Variants in USP45 observed in about 807,000 individuals in gnomAD.
USP45 encodes ubiquitin carboxyl-terminal hydrolase 45.
In USP45, 89 loss-of-function variants were observed where a neutral mutation model predicts 95.8. The observed-to-expected ratio is 0.93, with a 90% CI of 0.78 to 1.11. USP45 has a LOEUF of 1.11. Ranked by LOEUF, USP45 falls within the 50% of genes least tolerant of loss-of-function variation. USP45 has a pLI of 0.00. For missense variants in USP45, 898 were observed against 942.5 expected (o/e 0.95, Z 0.62); for synonymous variants, 281 against 316.2 (o/e 0.89, Z 1.18).
chr6:99,466,199 T>C lies in USP45; in HGVS notation c.1107+473A>G, dbSNP rs1787927301. On this transcript the variant is annotated intron_variant, in intron 11 of 17. Transcript: ENST00000500704. ...CCTGGCTAATTGTTTTGTATTTTTT[T>C]AGTAGAGATGGGGTTTCACCATGTT... 2.0e-5 allele frequency among the ~76,000 whole-genome samples: 3 copies of C among 152,208 alleles called. No individual in the cohort carries two copies. The Middle Eastern group carries it at 0.01, about 518-fold the overall frequency.
At chr6:99,476,095 G>T (rs886124145) in intron 9 of USP45, 48 bp downstream of exon 9, 1 of 1,560,528 alleles carries the variant, frequency 6.4e-7, no homozygotes, top group Non-Finnish European at 8.8e-7. Flanking sequence ...CCTTAGTTTT[G>T]TATCCTCTTC....
At chr6:99,498,621 C>T (rs1340224942) in intron 5 of USP45, among the ~76,000 whole-genome samples, 1 of 152,204 alleles carries the variant, frequency 6.6e-6, no homozygotes, top group Non-Finnish European at 1.5e-5. Flanking sequence ...CAGTTCAGCA[C>T]TTCTCAAAGT....
At chr6:99,515,099 A>G (rs979765759) in intron 1 of USP45, 1 of 152,306 alleles carries the variant, frequency 6.6e-6, no homozygotes, top group Admixed American at 6.5e-5. Context: ...GGCGGACGGA[A>G]AGGTGTGGGG....
At chr6:99,478,124 C>T (rs1791333457) in intron 8 of USP45, among the ~76,000 whole-genome samples, 1 of 152,032 alleles carries the variant, frequency 6.6e-6, no homozygotes, top group Non-Finnish European at 1.5e-5. Context: ...GAGAAACTGC[C>T]TCCACCATGT....
Position 99,443,561 on chromosome 6 carries a change from T to G in USP45, c.2073+4A>C. Reference sequence around the variant, plus strand: ...AAAATTATGGTGCTACTGAAGAAACTTACCTGATGAAATCTTTTCAGGTGG... The same window carrying G: ...AAAATTATGGTGCTACTGAAGAAACGTACCTGATGAAATCTTTTCAGGTGG... On this transcript the variant is annotated splice_donor_region_variant and intron_variant, in intron 15 of 17. Coordinates refer to ENST00000500704, the MANE Select transcript of USP45 (RefSeq NM_001346022.3). 6.3e-7 allele frequency: 1 copy of G among 1,598,770 alleles called. No homozygotes were observed. The highest frequency in any genetic ancestry group is 8.5e-7 in the Non-Finnish European group (1 of 1,171,134).
At chr6:99,479,301 C>T (rs1038114850) in intron 8 of USP45, among the ~76,000 whole-genome samples, 18 of 152,000 alleles carry the variant, frequency 1.2e-4, no homozygotes, top group African/African-American at 4.3e-4. Context: ...CTCAAAACTC[C>T]TAGGCTCAAG....
chr6:99,495,241 G>A (rs915059926), intron 5 of USP45, among the ~76,000 whole-genome samples: 18 of 152,180 alleles, frequency 1.2e-4, no homozygotes, highest in African/African-American at 4.3e-4. Context: ...AAATAAAAGA[G>A]CAAGTATACA....
At chr6:99,458,981 G>A (rs1785712973) in intron 13 of USP45, among the ~76,000 whole-genome samples, 1 of 152,138 alleles carries the variant, frequency 6.6e-6, no homozygotes, top group Admixed American at 6.6e-5. Flanking sequence ...ACAGCAATGA[G>A]ATTTATTTTT....
At chr6:99,512,569 C>T (rs916647320) in intron 1 of USP45, among the ~76,000 whole-genome samples, 13 of 152,130 alleles carry the variant, frequency 8.5e-5, no homozygotes, top group Admixed American at 1.3e-4. Context: ...TAAGCAACAT[C>T]GCAATTTTCA....
intron 15 of USP45, among the ~76,000 whole-genome samples, chr6:99,441,208 A>C (rs1425712236): frequency 6.6e-6 from 1 of 152,100 alleles, no homozygotes; most frequent in Non-Finnish European, 1.5e-5. Context: ...AGTCAAGAGT[A>C]ATTAGCTTTG....
chr6:99,475,472 C>T (rs552981769), intron 9 of USP45, among the ~76,000 whole-genome samples: 2 of 152,044 alleles, frequency 1.3e-5, no homozygotes, highest in South Asian at 2.1e-4. Flanking sequence ...CACGCTACCA[C>T]ACCTGGCTAA....
intron 13 of USP45, among the ~76,000 whole-genome samples, chr6:99,449,356 C>T (rs917585652): frequency 6.6e-6 from 1 of 152,092 alleles, no homozygotes; most frequent in African/African-American, 2.4e-5. Flanking sequence ...CAAAAAAAGG[C>T]AGGGGTTGCA....
chr6:99,479,107 T>C (rs1791648797), intron 8 of USP45, among the ~76,000 whole-genome samples: 2 of 151,756 alleles, frequency 1.3e-5, no homozygotes, highest in Admixed American at 6.6e-5. Context: ...AACAAAACTT[T>C]GGGGGGTGAT....
In USP45 at chr6:99,452,093, G is replaced by A. The variant is rs888713289; in HGVS notation, c.1309-5630C>T. Among the ~76,000 whole-genome samples, 172 of 152,262 alleles carry A rather than the reference G, an allele frequency of 1.1e-3. 2 individuals are homozygous for A. The highest frequency in any genetic ancestry group is 4.1e-3 in the African/African-American group (169 of 41,554). On this transcript the variant is annotated intron_variant, in intron 13 of 17. Transcript: ENST00000500704. The stretch of plus-strand genomic sequence containing the variant: ...ATAAAAACCCTAGAAGAAAACCTAG[G>A]CAATACCATTCAGGACATAGGCATG...
chr6:99,466,638 C>A, intron 11 of USP45, 34 bp downstream of exon 11: 1 of 1,486,564 alleles, frequency 6.7e-7, no homozygotes, highest in South Asian at 1.2e-5. Flanking sequence ...GATTGTAATC[C>A]ATTCCATGCT....
At chr6:99,454,709 A>T (rs1194169073) in intron 13 of USP45, among the ~76,000 whole-genome samples, 1 of 151,924 alleles carries the variant, frequency 6.6e-6, no homozygotes, top group East Asian at 1.9e-4. Context: ...AAAAAAGACA[A>T]ATAATAAGAT....
At position 99,435,684 on chromosome 6, in the gene USP45, C is replaced by G; in HGVS notation, c.*32G>C. On this transcript the variant is annotated 3_prime_UTR_variant, in exon 18 of 18. Transcript: ENST00000500704. Reference sequence around the variant, plus strand: ...TAGTTATCACTGTGGCATTCAAAAACAAATGACCTAAATAATCATTACCAT... The same window carrying G: ...TAGTTATCACTGTGGCATTCAAAAAGAAATGACCTAAATAATCATTACCAT... 6.3e-7 allele frequency: 1 copy of G among 1,588,456 alleles called. No homozygotes were observed. Among genetic ancestry groups the G allele is most frequent in the South Asian group, 1.1e-5 (1 of 89,162 alleles).
chr6:99,439,280 C>T (rs1781073402), intron 16 of USP45, among the ~76,000 whole-genome samples: 1 of 152,216 alleles, frequency 6.6e-6, no homozygotes, highest in Admixed American at 6.5e-5. Context: ...AGCCAGTCTG[C>T]TTTCTGTACC....
upstream of USP45, among the ~76,000 whole-genome samples, chr6:99,516,091 C>G (rs1238489818): frequency 2.0e-5 from 3 of 152,008 alleles, no homozygotes; most frequent in African/African-American, 4.8e-5. Flanking sequence ...CCCCACACCC[C>G]CGCCGCCCCC....
Sources: gnomAD v4.1 joint callset for allele counts (sites outside exome capture counted in the v4.1 genomes callset) on GRCh38, gnomAD v4.1.1 for gene constraint, MANE v1.5 for transcripts, NCBI Gene and HGNC (gene_info 2026-07-23, HGNC 2026-07-21) for gene names.